RAD51B: variants seen among roughly 807,000 people sequenced by gnomAD.
RAD51B encodes RAD51 paralog B.
A neutral mutation model predicts 42.2 loss-of-function variants in RAD51B; 38 were observed. The observed-to-expected ratio is 0.90, with a 90% CI of 0.70 to 1.18. The LOEUF (loss-of-function observed/expected upper bound fraction) is 1.18. Ranked by LOEUF, RAD51B falls within the 50% of genes most tolerant of loss-of-function variation. The probability of loss-of-function intolerance (pLI) is 0.00; values close to 1 mark genes in which losing one functional copy is unlikely to be tolerated. For missense variants in RAD51B, 373 were observed against 400.7 expected, an observed-to-expected ratio of 0.93 and a Z score of 0.59; for synonymous variants, 154 against 145.2, an observed-to-expected ratio of 1.06 and a Z score of -0.43.
At chr14:68,501,673 G>A (rs928154513) in intron 10 of RAD51B, among the ~76,000 whole-genome samples, 16 of 152,270 alleles carry the variant, frequency 1.1e-4, no homozygotes, top group Non-Finnish European at 2.1e-4. Flanking sequence ...GGCCACAACC[G>A]TTGGAAATAA....
intron 1 of RAD51B, 142 bp from the exon 2 acceptor site, chr14:67,823,399 TA>T: frequency 1.7e-6 from 1 of 586,626 alleles, no homozygotes; most frequent in Non-Finnish European, 2.9e-6. Context: ...TTATCAGTAA[TA>T]TTTTTAACAC....
intron 7 of RAD51B, among the ~76,000 whole-genome samples, chr14:68,262,418 G>A (rs985693903): frequency 6.6e-6 from 1 of 152,170 alleles, no homozygotes; most frequent in African/African-American, 2.4e-5. Context: ...CTCCAAGGCA[G>A]AGTTTGTTTA....
At chr14:68,506,665 G>C (rs1885348991) in intron 10 of RAD51B, among the ~76,000 whole-genome samples, 1 of 152,230 alleles carries the variant, frequency 6.6e-6, no homozygotes, top group Non-Finnish European at 1.5e-5. Context: ...GGCAGCACCA[G>C]CACACCTAGG....
At chr14:68,007,471 T>C (rs113483528) in intron 7 of RAD51B, among the ~76,000 whole-genome samples, 1 of 152,058 alleles carries the variant, frequency 6.6e-6, no homozygotes, top group African/African-American at 2.4e-5. Context: ...CCATTAGCAC[T>C]GTGTGAGGTT....
intron 11 of RAD51B, among the ~76,000 whole-genome samples, chr14:68,670,210 G>A (rs1477856428): frequency 2.6e-5 from 4 of 152,130 alleles, no homozygotes; most frequent in Non-Finnish European, 4.4e-5. Flanking sequence ...ACCGTCCGTG[G>A]GCCCTGCTGT....
chr14:68,553,677 C>A (rs1363878953), intron 10 of RAD51B, among the ~76,000 whole-genome samples: 2 of 134,822 alleles, frequency 1.5e-5, no homozygotes, highest in Non-Finnish European at 3.0e-5. Flanking sequence ...GTGCAGCTCT[C>A]TCCAGTGAGG....
At chr14:68,074,713 A>G (rs2076805365) in intron 7 of RAD51B, among the ~76,000 whole-genome samples, 1 of 152,116 alleles carries the variant, frequency 6.6e-6, no homozygotes, top group African/African-American at 2.4e-5. Context: ...TCATTTCTGG[A>G]TGTTTTTAGA....
chr14:67,934,758 G>A (rs1392786010), intron 7 of RAD51B, among the ~76,000 whole-genome samples: 2 of 152,214 alleles, frequency 1.3e-5, no homozygotes, highest in African/African-American at 2.4e-5. Flanking sequence ...GGCAGGGAGT[G>A]TATATTATTG....
At chr14:68,658,595 C>T (rs745643936) in intron 11 of RAD51B, among the ~76,000 whole-genome samples, 7 of 152,182 alleles carry the variant, frequency 4.6e-5, no homozygotes, top group Non-Finnish European at 7.4e-5. Flanking sequence ...AGGAATAGGA[C>T]GGAATGAACT....
At chr14:68,006,713 G>A (rs2075598415) in intron 7 of RAD51B, among the ~76,000 whole-genome samples, 1 of 151,964 alleles carries the variant, frequency 6.6e-6, no homozygotes, top group South Asian at 2.1e-4. Flanking sequence ...TTTATTGATA[G>A]GAATTTGAAT....
chr14:68,281,319 T>C (rs1409686657), intron 7 of RAD51B, among the ~76,000 whole-genome samples: 8 of 152,156 alleles, frequency 5.3e-5, no homozygotes, highest in Admixed American at 5.2e-4. Context: ...TTGAACGCAA[T>C]AGAATAATAA....
At chr14:68,089,493 C>T (rs974155816) in intron 7 of RAD51B, among the ~76,000 whole-genome samples, 1 of 152,162 alleles carries the variant, frequency 6.6e-6, no homozygotes, top group Non-Finnish European at 1.5e-5. Context: ...TTGAGACTAG[C>T]TTTTGCTGGT....
At chr14:68,598,236 C>CTT (rs1891081203), downstream of RAD51B, among the ~76,000 whole-genome samples, 5 of 144,252 alleles carry the variant, frequency 3.5e-5, no homozygotes, top group African/African-American at 1.3e-4. Context: ...CCAACTCAAA[C>CTT]CTCATTCATT....
chr14:68,456,935 C>CA (rs1234231389), intron 9 of RAD51B, among the ~76,000 whole-genome samples: 1 of 94,428 alleles, frequency 1.1e-5, no homozygotes, highest in Non-Finnish European at 2.0e-5. Flanking sequence ...TTTTTTGAGA[C>CA]AGAGTCTCAC....
intron 7 of RAD51B, among the ~76,000 whole-genome samples, chr14:67,947,554 A>G (rs991348935): frequency 2.6e-5 from 4 of 152,172 alleles, no homozygotes; most frequent in African/African-American, 4.8e-5. Context: ...TTTAGCTTCC[A>G]AAAAGAGTTG....
At chr14:67,827,330 A>T (rs547868402) in intron 3 of RAD51B, among the ~76,000 whole-genome samples, 1 of 152,178 alleles carries the variant, frequency 6.6e-6, no homozygotes, top group Non-Finnish European at 1.5e-5. Context: ...TTTAATTTCT[A>T]CTTCCATCAC....
At chr14:67,841,431 C>T (rs2041423482) in intron 4 of RAD51B, among the ~76,000 whole-genome samples, 1 of 151,982 alleles carries the variant, frequency 6.6e-6, no homozygotes. Context: ...TAGTTAGGTA[C>T]CACTTGTCAA....
At chr14:68,203,166 A>G (rs1382076528) in intron 7 of RAD51B, among the ~76,000 whole-genome samples, 7 of 152,154 alleles carry the variant, frequency 4.6e-5, no homozygotes, top group Non-Finnish European at 7.3e-5. Context: ...TTTTGTGAAG[A>G]TCCATCAGGG....
At chr14:68,452,219 G>A (rs2085574509) in intron 9 of RAD51B, among the ~76,000 whole-genome samples, 1 of 152,096 alleles carries the variant, frequency 6.6e-6, no homozygotes, top group Non-Finnish European at 1.5e-5. Context: ...GATTTAGGGT[G>A]GAGAAAGGGA....
Sources: gnomAD v4.1 joint callset for allele counts (sites outside exome capture counted in the v4.1 genomes callset) on GRCh38, gnomAD v4.1.1 for gene constraint, MANE v1.5 for transcripts, NCBI Gene and HGNC (gene_info 2026-07-23, HGNC 2026-07-21) for gene names.